Variants in FSTL4 observed in about 807,000 individuals in gnomAD.
FSTL4 encodes the protein follistatin-related protein 4.
Under a neutral mutation model 78.2 loss-of-function variants are expected in FSTL4, and 28 were observed. The observed-to-expected ratio is 0.36, with a 90% CI of 0.27 to 0.49. The LOEUF (loss-of-function observed/expected upper bound fraction) is 0.49. Ranked by LOEUF, FSTL4 falls within the 20% of genes least tolerant of loss-of-function variation. The pLI is 0.98. For synonymous variants in FSTL4, 422 were observed against 440.5 expected, an observed-to-expected ratio of 0.96 and a Z score of 0.53; for missense variants, 922 against 1,084.9, an observed-to-expected ratio of 0.85 and a Z score of 2.11.
chr5:133,609,203 T>C (rs1265805652), intron 1 of FSTL4, among the ~76,000 whole-genome samples: 1 of 152,204 alleles, frequency 6.6e-6, no homozygotes, highest in Non-Finnish European at 1.5e-5. Flanking sequence ...CACCCAGCCT[T>C]GAAGAGAACA....
chr5:133,827,658 T>C, the FSTL4 span, among the ~76,000 whole-genome samples: 1 of 151,848 alleles, frequency 6.6e-6, no homozygotes, highest in Non-Finnish European at 1.5e-5. Context: ...TCTTGTATGA[T>C]TTTCCTCCAC....
chr5:133,414,119 C>T lies in FSTL4; in HGVS notation c.161-13133G>A, dbSNP rs138525586. On this transcript the variant is annotated intron_variant, in intron 3 of 15. Coordinates refer to ENST00000265342, the MANE Select transcript of FSTL4 (RefSeq NM_015082.2). ...GGATATAGGCTCTTCTTGATTGTGC[C>T]GGGCACCCAAGGACTCCACCATTCT... is the stretch of plus-strand genomic sequence containing the variant. Among the ~76,000 whole-genome samples the T allele has an allele frequency of 6.4e-3, 981 of 152,106 alleles. 5 individuals are homozygous for T. The highest frequency in any genetic ancestry group is 0.011 in the Non-Finnish European group (746 of 67,998).
intron 4 of FSTL4, among the ~76,000 whole-genome samples, chr5:133,380,022 C>A (rs901873930): frequency 2.6e-5 from 4 of 151,658 alleles, no homozygotes; most frequent in Non-Finnish European, 5.9e-5. Context: ...TTGCAGTGAG[C>A]CACTGCACTC....
chr5:133,383,112 C>T (rs114097602), intron 4 of FSTL4, among the ~76,000 whole-genome samples: 357 of 152,316 alleles, frequency 2.3e-3, no homozygotes, highest in African/African-American at 7.7e-3. Context: ...TGGCCAAGCC[C>T]GGCCCACCCT....
At chr5:133,591,526 C>T (rs1760625267) in intron 2 of FSTL4, among the ~76,000 whole-genome samples, 2 of 152,288 alleles carry the variant, frequency 1.3e-5, no homozygotes, top group South Asian at 2.1e-4. Context: ...AGCCACCCAG[C>T]GCTGCACCCA....
rs533225124 is a variant in FSTL4 at position 133,506,903 on chromosome 5, G to C, written c.160+60283C>G. Among the ~76,000 whole-genome samples, 115 of 152,324 alleles carry C rather than the reference G, an allele frequency of 7.5e-4. 1 individual carries two copies. Among genetic ancestry groups the C allele is most frequent in the Non-Finnish European group, 1.3e-3 (91 of 68,024 alleles). On this transcript the variant is annotated intron_variant, in intron 3 of 15. Transcript: ENST00000265342. ...TGAAAGATTCACCTGAAATAAATTA[G>C]ACTGGGCCTTTAAAAAGCAGGCAAT... is the stretch of plus-strand genomic sequence containing the variant.
intron 3 of FSTL4, among the ~76,000 whole-genome samples, chr5:133,448,740 G>GA (rs1491327848): frequency 4.1e-5 from 1 of 24,660 alleles, no homozygotes; most frequent in African/African-American, 1.5e-4. Flanking sequence ...GTGCGGGGGC[G>GA]GGGGGGGGGG....
chr5:133,232,713 T>A (rs771490804), intron 8 of FSTL4, among the ~76,000 whole-genome samples: 1 of 152,180 alleles, frequency 6.6e-6, no homozygotes, highest in Non-Finnish European at 1.5e-5. Flanking sequence ...GTGACCTTTT[T>A]TAGCAAATCA....
chr5:133,819,471 G>A, the FSTL4 span, among the ~76,000 whole-genome samples: 6 of 152,166 alleles, frequency 3.9e-5, no homozygotes, highest in African/African-American at 7.2e-5. Context: ...CCTGGAACCC[G>A]CACAAGGCTC....
intron 4 of FSTL4, among the ~76,000 whole-genome samples, chr5:133,400,361 C>T (rs932870612): frequency 1.3e-5 from 2 of 152,204 alleles, no homozygotes; most frequent in Non-Finnish European, 2.9e-5. Context: ...CACAGCACAG[C>T]CTCCTGATTC....
the FSTL4 span, among the ~76,000 whole-genome samples, chr5:133,791,767 C>T: frequency 6.6e-6 from 1 of 152,370 alleles, no homozygotes; most frequent in South Asian, 2.1e-4. Context: ...AAGGGCAGCT[C>T]CCCTCCTCCT....
intron 4 of FSTL4, among the ~76,000 whole-genome samples, chr5:133,384,335 G>A (rs1241300007): frequency 6.6e-6 from 1 of 152,202 alleles, no homozygotes; most frequent in Non-Finnish European, 1.5e-5. Context: ...AGACGGGGTG[G>A]TGACAGGGTG....
chr5:133,274,836 G>A (rs1014863455), intron 6 of FSTL4, among the ~76,000 whole-genome samples: 9 of 152,214 alleles, frequency 5.9e-5, no homozygotes, highest in African/African-American at 2.2e-4. Flanking sequence ...ACCAGGACAA[G>A]GTACCAGTAA....
At chr5:133,340,277 A>G (rs1580632003) in intron 4 of FSTL4, among the ~76,000 whole-genome samples, 1 of 152,054 alleles carries the variant, frequency 6.6e-6, no homozygotes, top group Admixed American at 6.5e-5. Context: ...GCAGAGAAAT[A>G]CTCTTTGAAT....
At chr5:133,203,407 A>G (rs1442735146) in intron 14 of FSTL4, among the ~76,000 whole-genome samples, 4 of 152,144 alleles carry the variant, frequency 2.6e-5, no homozygotes, top group African/African-American at 7.2e-5. Flanking sequence ...TACTTTTATG[A>G]CAAAACAAAC....
intron 3 of FSTL4, among the ~76,000 whole-genome samples, chr5:133,407,410 C>T (rs932219999): frequency 2.6e-5 from 4 of 152,236 alleles, no homozygotes; most frequent in Admixed American, 6.5e-5. Flanking sequence ...CCGGTGAGCA[C>T]AGCCTGTATG....
upstream of FSTL4, among the ~76,000 whole-genome samples, chr5:133,615,650 A>G (rs947450697): frequency 6.6e-6 from 1 of 152,230 alleles, no homozygotes; most frequent in Non-Finnish European, 1.5e-5. Flanking sequence ...CTCTAAGTCT[A>G]ATATTAATGC....
rs572538719 is a variant in FSTL4, at chr5:133,541,669, A to G, written c.160+25517T>C. Among the ~76,000 whole-genome samples the G allele has an allele frequency of 2.0e-5, 3 of 152,320 alleles. No individual in the cohort carries two copies. The East Asian group carries it at 5.8e-4, about 29-fold the overall frequency. On this transcript the variant is annotated intron_variant, in intron 3 of 15. Coordinates refer to ENST00000265342, the MANE Select transcript of FSTL4 (RefSeq NM_015082.2). ...TTTCTTTTTAAAGCTCAAATTGTCC[A>G]GATGTGGCCAGCATGAGTCCTTTAA...
At chr5:133,272,494 GGGC>G (rs1752789700) in intron 6 of FSTL4, among the ~76,000 whole-genome samples, 1 of 152,152 alleles carries the variant, frequency 6.6e-6, no homozygotes, top group South Asian at 2.1e-4. Flanking sequence ...TAATATACAC[GGGC>G]TTGTTCATTT....
Sources: gnomAD v4.1 joint callset for allele counts (sites outside exome capture counted in the v4.1 genomes callset) on GRCh38, gnomAD v4.1.1 for gene constraint, MANE v1.5 for transcripts, NCBI Gene and HGNC (gene_info 2026-07-23, HGNC 2026-07-21) for gene names.